TBC1D1: variants seen among roughly 807,000 people sequenced by gnomAD.
TBC1D1 encodes the protein TBC1 (tre-2/USP6, BUB2, cdc16) domain family, member 1.
TBC1D1 carries 89 observed loss-of-function variants against 125.6 expected under a neutral mutation model. That is an observed-to-expected ratio of 0.71 (90% confidence interval 0.60 to 0.85). The LOEUF is 0.85. TBC1D1 is among the 40% of genes least tolerant of loss of function. The pLI, the probability that TBC1D1 is intolerant of heterozygous loss-of-function variation, is 0.00. For synonymous variants in TBC1D1, 565 were observed against 564.1 expected (o/e 1.00, Z -0.02); for missense variants, 1,377 against 1,469.2 (o/e 0.94, Z 1.03).
In TBC1D1 at chr4:37,977,672, G is replaced by C. The variant is rs1166001195; in HGVS notation, c.418-36837G>C. ...GGCGAGCGGCGGGCGCGACCAGGTC[G>C]TTAGCCGCGCGTTTCTCATTCATTA... On this transcript the variant is annotated intron_variant, in intron 2 of 19. Transcript: ENST00000261439. This position sits in a 1 kb window ranked among gnomAD's most constrained non-coding sequence, Gnocchi z 4.3. The C allele has an allele frequency of 6.2e-6, 1 of 162,134 alleles. No individual in the cohort carries two copies. Among genetic ancestry groups the C allele is most frequent in the East Asian group, 1.9e-4 (1 of 5,206 alleles). The allele number at this position is 162,134 out of a possible 1,614,324, so 10.0% of individuals were successfully genotyped here. A position where few individuals can be genotyped will look rare whatever the true frequency, so the allele number is the denominator to read the frequency against.
At chr4:38,043,590 C>CAAA (rs34854751) in intron 8 of TBC1D1, among the ~76,000 whole-genome samples, 10,945 of 142,560 alleles carry the variant, frequency 0.077, 919 homozygotes, top group African/African-American at 0.21. Context: ...CACCCTGTCT[C>CAAA]AAAAAAAAAA....
chr4:38,089,830 ATATTT>A, intron 12 of TBC1D1, 97 bp from the exon 15 acceptor site: 1 of 1,208,804 alleles, frequency 8.3e-7, no homozygotes, highest in South Asian at 1.7e-5. Context: ...TGATATTATT[ATATTT>A]TATCTGAATG....
At position 37,979,980 on chromosome 4, in the gene TBC1D1, T is replaced by C. The variant is rs539217615; in HGVS notation, c.418-34529T>C. Reference sequence around the variant, plus strand: ...TTTAAATAGAGACAGGGTTTCTCCATGTTGGTCAGGCTGGTCTTGAAGTCC... The same window carrying C: ...TTTAAATAGAGACAGGGTTTCTCCACGTTGGTCAGGCTGGTCTTGAAGTCC... On this transcript the variant is annotated intron_variant, in intron 2 of 19. Coordinates refer to ENST00000261439, the MANE Select transcript of TBC1D1 (RefSeq NM_015173.4). Among the ~76,000 whole-genome samples, 14 of 152,358 alleles carry C rather than the reference T, an allele frequency of 9.2e-5. No homozygotes were observed. In the South Asian group the frequency reaches 2.7e-3, roughly 29 times the overall value.
intron 8 of TBC1D1, 92 bp downstream of exon 8, chr4:38,035,790 C>CT (rs1012368326): frequency 2.2e-6 from 2 of 894,330 alleles, no homozygotes; most frequent in South Asian, 1.5e-5. Context: ...ACTCTGATAC[C>CT]TTTTTTTCTC....
chr4:37,954,553 G>A (rs1329645767), intron 2 of TBC1D1, among the ~76,000 whole-genome samples: 1 of 152,168 alleles, frequency 6.6e-6, no homozygotes, highest in Non-Finnish European at 1.5e-5. Context: ...ATCAGTCACA[G>A]GTAGGTTGAG....
chr4:38,068,818 T>C (rs965896998), intron 12 of TBC1D1, among the ~76,000 whole-genome samples: 2 of 152,200 alleles, frequency 1.3e-5, no homozygotes, highest in East Asian at 1.9e-4. Flanking sequence ...AACATTCCCT[T>C]ATCCCAGAAA....
chr4:37,991,022 T>C (rs1293401996), intron 2 of TBC1D1, among the ~76,000 whole-genome samples: 1 of 117,956 alleles, frequency 8.5e-6, no homozygotes, highest in Non-Finnish European at 1.6e-5. Context: ...GAGACACAAC[T>C]GCCAAGATGA....
At position 38,014,653 on chromosome 4, in the gene TBC1D1, G is replaced by T. The variant is rs781053242; in HGVS notation, c.562G>T (p.Ala188Ser). The T allele has an allele frequency of 6.2e-7, 1 of 1,613,250 alleles. No homozygotes were observed. The highest frequency in any genetic ancestry group is 1.7e-5 in the Admixed American group (1 of 60,024). ...CCGCGTGACGGTGGCGCACAAGAAG[G>T]CTCCGCCGGCCCTGATCGACGAGTG... is the stretch of plus-strand genomic sequence containing the variant. Residue 188 changes from alanine to serine, a missense_variant, in exon 3 of 20, where the codon GCT becomes TCT. By Grantham distance (99) the Ala-to-Ser change is moderately conservative. Around this residue, in one of 3 missense-constraint regions of TBC1D1, gnomAD observed 822 missense variants for 824.6 expected, o/e 1.00. Transcript: ENST00000261439. The surrounding 1 kb of genome is among the most constrained non-coding windows in gnomAD (Gnocchi z 5.1).
In TBC1D1 at chr4:38,017,973, T is replaced by C. The variant is rs185338186; in HGVS notation, c.883-381T>C. Among the ~76,000 whole-genome samples, 289 of 152,364 alleles carry C rather than the reference T, an allele frequency of 1.9e-3. 1 individual carries two copies. Among genetic ancestry groups the C allele is most frequent in the Admixed American group, 5.6e-3 (86 of 15,308 alleles). ...GTACTAAACAAATGGTAGATTCTTT[T>C]AACAATAATTTAAAAAGACTTGTCA... On this transcript the variant is annotated intron_variant, in intron 3 of 19. Transcript: ENST00000261439.
At chr4:37,893,298 T>G (rs1334737419) in intron 1 of TBC1D1, among the ~76,000 whole-genome samples, 1 of 152,172 alleles carries the variant, frequency 6.6e-6, no homozygotes, top group African/African-American at 2.4e-5. Context: ...GGTCCCCAGT[T>G]TTTGCTCTTT....
intron 12 of TBC1D1, among the ~76,000 whole-genome samples, chr4:38,058,901 C>A (rs959685239): frequency 4.6e-5 from 7 of 151,900 alleles, no homozygotes; most frequent in Non-Finnish European, 1.0e-4. Context: ...AGGAGTGTGT[C>A]TCTAACTAAA....
chr4:37,997,340 T>C (rs1738023972), intron 2 of TBC1D1, among the ~76,000 whole-genome samples: 1 of 152,270 alleles, frequency 6.6e-6, no homozygotes, highest in Admixed American at 6.5e-5. Flanking sequence ...TTTGGAAGTT[T>C]GTTTTTGTAC....
chr4:37,980,551 A>C (rs1734148165), intron 2 of TBC1D1, among the ~76,000 whole-genome samples: 1 of 152,220 alleles, frequency 6.6e-6, no homozygotes, highest in Non-Finnish European at 1.5e-5. Flanking sequence ...GCACCTGCTT[A>C]TAAAGTTTGT....
rs568040681 is a variant in TBC1D1, at chr4:37,942,211, A to G, written c.417+39699A>G. ...GCTTTATGAATCTGGGTGCTCCTGTATTGGCTGCATATATATTTAGGATAG... is the reference window on the plus strand; with the variant it reads ...GCTTTATGAATCTGGGTGCTCCTGTGTTGGCTGCATATATATTTAGGATAG... On this transcript the variant is annotated intron_variant, in intron 2 of 19. Transcript: ENST00000261439. Among the ~76,000 whole-genome samples the G allele has an allele frequency of 3.3e-5, 5 of 152,276 alleles. No individual in the cohort carries two copies. In the South Asian group the frequency reaches 1.0e-3, roughly 32 times the overall value.
intron 2 of TBC1D1, among the ~76,000 whole-genome samples, chr4:37,956,315 G>A (rs1457808324): frequency 1.3e-5 from 2 of 151,980 alleles, no homozygotes; most frequent in Admixed American, 6.6e-5. Flanking sequence ...CACCACACCC[G>A]GCTTAATGAA....
chr4:37,991,116 A>G (rs1224826329), intron 2 of TBC1D1, among the ~76,000 whole-genome samples: 3 of 152,212 alleles, frequency 2.0e-5, no homozygotes, highest in African/African-American at 7.2e-5. Context: ...GCCAGAAAGC[A>G]GGTGGGGAAC....
At chr4:38,079,273 G>A (rs556159653) in intron 12 of TBC1D1, among the ~76,000 whole-genome samples, 10 of 152,340 alleles carry the variant, frequency 6.6e-5, no homozygotes, top group African/African-American at 2.4e-4. Flanking sequence ...TTTTCTGGAA[G>A]GAAATTTGTT....
At chr4:38,004,683 T>C (rs1033445963) in intron 2 of TBC1D1, among the ~76,000 whole-genome samples, 2 of 152,180 alleles carry the variant, frequency 1.3e-5, no homozygotes, top group Non-Finnish European at 2.9e-5. Context: ...AATTGGTAAA[T>C]TACCATTAAG....
At chr4:37,930,650 CTAAT>C (rs1254242947) in intron 2 of TBC1D1, among the ~76,000 whole-genome samples, 1 of 152,150 alleles carries the variant, frequency 6.6e-6, no homozygotes, top group Non-Finnish European at 1.5e-5. Context: ...TCAGGATAAA[CTAAT>C]TAAGTTATTA....
Sources: allele counts gnomAD v4.1 joint callset (sites outside exome capture counted in the v4.1 genomes callset), GRCh38; gene constraint gnomAD v4.1.1; regional missense constraint gnomAD v4.1.1; non-coding constraint Gnocchi (gnomAD v3.1); transcripts MANE v1.5; gene names NCBI Gene and HGNC (gene_info 2026-07-23, HGNC 2026-07-21).